The following CACNA2D4 variants were observed in gnomAD, a reference collection of about 807,000 sequenced individuals.
The protein encoded by CACNA2D4 is calcium voltage-gated channel auxiliary subunit alpha2delta 4.
A neutral mutation model predicts 163.8 loss-of-function variants in CACNA2D4; 157 were observed. The observed-to-expected ratio is 0.96, with a 90% CI of 0.84 to 1.09. The LOEUF is 1.09. Among genes scored for constraint, CACNA2D4 ranks in the 50% least tolerant of loss-of-function variants. CACNA2D4 has a pLI of 0.00. For missense variants in CACNA2D4, 1,410 were observed against 1,479.9 expected, an observed-to-expected ratio of 0.95 and a Z score of 0.78; for synonymous variants, 598 against 586.9, an observed-to-expected ratio of 1.02 and a Z score of -0.27.
chr12:1,855,017 G>A (rs1273154252), intron 22 of CACNA2D4, among the ~76,000 whole-genome samples: 1 of 152,146 alleles, frequency 6.6e-6, no homozygotes, highest in East Asian at 1.9e-4. Flanking sequence ...GTGAGGAGGT[G>A]TCACAATAGA....
At chr12:1,871,572 CGT>C (rs761966820) in intron 18 of CACNA2D4, among the ~76,000 whole-genome samples, 12 of 146,886 alleles carry the variant, frequency 8.2e-5, no homozygotes, top group Admixed American at 1.4e-4. Context: ...GGTGTGTGTA[CGT>C]GTGTGTTGCT....
chr12:1,831,272 G>A (rs1175942749), intron 26 of CACNA2D4: 1 of 1,613,702 alleles, frequency 6.2e-7, no homozygotes, highest in South Asian at 1.1e-5. Context: ...ACAGGGACCT[G>A]CTGCGGCACT....
chr12:1,827,547 C>CGCGGCT (rs1204042703), intron 26 of CACNA2D4: 1 of 152,940 alleles, frequency 6.5e-6, no homozygotes, highest in Non-Finnish European at 1.5e-5. Context: ...TCACACCCTA[C>CGCGGCT]GCGGCTGCAG....
chr12:1,831,423 C>T lies in CACNA2D4; in HGVS notation c.2551+9316G>A, dbSNP rs772205560. ...GAATCTGGACCGGCTGACATTTGAA[C>T]CCCTAGCAAACCTGCAGCTGCTGCA... On this transcript the variant is annotated intron_variant, in intron 26 of 37. Transcript: ENST00000382722. 10 of 1,614,010 alleles carry T rather than the reference C, an allele frequency of 6.2e-6. No homozygotes were observed. The African/African-American group carries it at 6.7e-5, about 11-fold the overall frequency.
intron 9 of CACNA2D4, 146 bp downstream of exon 9, chr12:1,885,816 GGTT>G (rs1866124576): frequency 1.6e-6 from 1 of 639,020 alleles, no homozygotes; most frequent in East Asian, 2.7e-5. Context: ...CGGTTCCCTG[GGTT>G]GTTTGCATGG....
At chr12:1,855,338 T>C (rs568004039) in intron 22 of CACNA2D4, among the ~76,000 whole-genome samples, 1 of 152,278 alleles carries the variant, frequency 6.6e-6, no homozygotes, top group East Asian at 1.9e-4. Flanking sequence ...GGCAGTCTTC[T>C]TATGCGGGTG....
intron 26 of CACNA2D4, among the ~76,000 whole-genome samples, chr12:1,825,813 A>G (rs1166011527): frequency 1.3e-5 from 2 of 148,636 alleles, no homozygotes; most frequent in East Asian, 4.2e-4. Flanking sequence ...AGCAGCCTGC[A>G]GCCTGGCTCT....
chr12:1,819,785 G>T (rs1394260534), intron 26 of CACNA2D4, among the ~76,000 whole-genome samples: 1 of 152,202 alleles, frequency 6.6e-6, no homozygotes, highest in Admixed American at 6.5e-5. Context: ...ATAAGAGCAA[G>T]GAGCCCTGAG....
chr12:1,887,091 C>A (rs1316224887), intron 6 of CACNA2D4, 22 bp from the exon 7 acceptor site: 1 of 1,542,592 alleles, frequency 6.5e-7, no homozygotes, highest in Non-Finnish European at 8.8e-7. Context: ...AAGACTCGTT[C>A]TTTTACTAGC....
rs1863366432 is a variant in CACNA2D4 at position 1,802,300 on chromosome 12, C to T, written c.2722-656G>A. 6.6e-6 allele frequency among the ~76,000 whole-genome samples: 1 copy of T among 152,196 alleles called. No homozygotes were observed. The highest frequency in any genetic ancestry group is 1.5e-5 in the Non-Finnish European group (1 of 68,034). ...CCTGCCCTCCTAACTGACCTCTCCT[C>T]TTGTCCCTGTGGCACTGCCAGAGTC... is the stretch of plus-strand genomic sequence containing the variant. On this transcript the variant is annotated intron_variant, in intron 29 of 37. Coordinates refer to ENST00000382722, the MANE Select transcript of CACNA2D4 (RefSeq NM_172364.5). This position sits in a 1 kb window ranked among gnomAD's most constrained non-coding sequence, Gnocchi z 4.7.
chr12:1,828,248 G>T lies in CACNA2D4; in HGVS notation c.2551+12491C>A, dbSNP rs747041293. ...CACCCCTGGCCTCGGAGGGGGGTGCGGGTTGGGTGGGGGTGCCGAGGTGAC... is the reference window on the plus strand; with the variant it reads ...CACCCCTGGCCTCGGAGGGGGGTGCTGGTTGGGTGGGGGTGCCGAGGTGAC... On this transcript the variant is annotated intron_variant, in intron 26 of 37. Transcript: ENST00000382722. The surrounding 1 kb of genome is among the most constrained non-coding windows in gnomAD (Gnocchi z 4.2). 2 of 1,518,044 alleles carry T rather than the reference G, an allele frequency of 1.3e-6. No homozygotes were observed. The highest frequency in any genetic ancestry group is 1.4e-5 in the African/African-American group (1 of 71,864). The allele number at this position is 1,518,044 out of a possible 1,614,324, so 94.0% of individuals were successfully genotyped here. A position where few individuals can be genotyped will look rare whatever the true frequency, so the allele number is the denominator to read the frequency against.
At chr12:1,897,687 G>A (rs1265784138) in intron 6 of CACNA2D4, among the ~76,000 whole-genome samples, 1 of 152,098 alleles carries the variant, frequency 6.6e-6, no homozygotes, top group Non-Finnish European at 1.5e-5. Context: ...GTAAATAAAG[G>A]GATAGAGGAA....
Position 1,806,846 on chromosome 12 carries a change from G to A in CACNA2D4, c.2721+3432C>T, listed in dbSNP as rs1251700530. 6.6e-6 allele frequency among the ~76,000 whole-genome samples: 1 copy of A among 152,126 alleles called. No individual in the cohort carries two copies. The highest frequency in any genetic ancestry group is 1.5e-5 in the Non-Finnish European group (1 of 68,036). On this transcript the variant is annotated intron_variant, in intron 29 of 37. Transcript: ENST00000382722. The surrounding 1 kb of genome is among the most constrained non-coding windows in gnomAD (Gnocchi z 4.1). ...GCTTCTGTCCTTCAGCCACACTGGAGGCCTAGAGATAAGCAGGGAGGAGCA... is the reference window on the plus strand; with the variant it reads ...GCTTCTGTCCTTCAGCCACACTGGAAGCCTAGAGATAAGCAGGGAGGAGCA...
At chr12:1,905,122 G>T (rs571770647) in intron 6 of CACNA2D4, among the ~76,000 whole-genome samples, 1 of 152,078 alleles carries the variant, frequency 6.6e-6, no homozygotes, top group African/African-American at 2.4e-5. Flanking sequence ...AAATTCCATG[G>T]CCATCCCAAT....
Position 1,801,732 on chromosome 12 carries a change from A to G in CACNA2D4, c.2722-88T>C, listed in dbSNP as rs1260790912. 3 of 902,632 alleles carry G rather than the reference A, an allele frequency of 3.3e-6. No individual in the cohort carries two copies. The African/African-American group carries it at 5.0e-5, about 15-fold the overall frequency. The allele number at this position is 902,632 out of a possible 1,614,324, so 55.9% of individuals were successfully genotyped here. On this transcript the variant is annotated intron_variant, in intron 29 of 37. Coordinates refer to ENST00000382722, the MANE Select transcript of CACNA2D4 (RefSeq NM_172364.5). Reference sequence around the variant, plus strand: ...GAGTCCAGCACTATTTATTCAGCTCAGGTCGAGGCTTTTGGTGCCAGTTGG... The same window carrying G: ...GAGTCCAGCACTATTTATTCAGCTCGGGTCGAGGCTTTTGGTGCCAGTTGG...
At chr12:1,906,037 T>C (rs917376008) in intron 6 of CACNA2D4, among the ~76,000 whole-genome samples, 1 of 152,176 alleles carries the variant, frequency 6.6e-6, no homozygotes, top group Admixed American at 6.5e-5. Context: ...ACATATATGA[T>C]TAAATGATTT....
At chr12:1,794,968 C>A in intron 37 of CACNA2D4, 1 of 473,642 alleles carries the variant, frequency 2.1e-6, no homozygotes. Context: ...TACAAAGATA[C>A]CTCTATCATT....
rs115986580 is a variant in CACNA2D4 at position 1,878,719 on chromosome 12, C to T, written c.1644+237G>A. ...AGGAGCAGACTGAGAAACTGAGACA[C>T]TGGGCAGGGAAAGGACTTACTGAAG... On this transcript the variant is annotated intron_variant, in intron 15 of 37. Coordinates refer to ENST00000382722, the MANE Select transcript of CACNA2D4 (RefSeq NM_172364.5). This position sits in a 1 kb window ranked among gnomAD's most constrained non-coding sequence, Gnocchi z 4.6. Among the ~76,000 whole-genome samples, 537 of 152,310 alleles carry T rather than the reference C, an allele frequency of 3.5e-3. 3 individuals carry two copies. The highest frequency in any genetic ancestry group is 0.012 in the African/African-American group (491 of 41,554).
In CACNA2D4 at chr12:1,801,080, G is replaced by C. The variant is rs764887508; in HGVS notation, c.2831C>G (p.Ser944Trp). The change falls in exon 31 of 38, where the codon TCG becomes TGG. Residue 944 changes from serine (S) to tryptophan (W), a missense_variant. Coordinates refer to ENST00000382722, the MANE Select transcript of CACNA2D4 (RefSeq NM_172364.5). ...MYDYQAMCKPSSHHHSAAQPL... is the reference protein window; with the variant it reads ...MYDYQAMCKPWSHHHSAAQPL... Reference sequence around the variant, plus strand: ...CTGGGCTGCACTGTGGTGGTGACTCGAGGGTTTGCACATGGCCTGATAGTC... The same window carrying C: ...CTGGGCTGCACTGTGGTGGTGACTCCAGGGTTTGCACATGGCCTGATAGTC... 8 of 1,613,632 alleles carry C rather than the reference G, an allele frequency of 5.0e-6. No individual in the cohort carries two copies. The South Asian group carries it at 5.5e-5, about 11-fold the overall frequency.
Sources: gnomAD v4.1 joint callset for allele counts (sites outside exome capture counted in the v4.1 genomes callset) on GRCh38, gnomAD v4.1.1 for gene constraint, Gnocchi (gnomAD v3.1) non-coding constraint, MANE v1.5 for transcripts, NCBI Gene and HGNC (gene_info 2026-07-23, HGNC 2026-07-21) for gene names.